The following SPATA16 variants were observed in gnomAD, a reference collection of about 807,000 sequenced individuals.
SPATA16 encodes the protein spermatogenesis associated 16.
Under a neutral mutation model 63.3 loss-of-function variants are expected in SPATA16, and 36 were observed. The ratio of observed to expected loss-of-function variants is 0.57; its 90% CI spans 0.44 to 0.75. The LOEUF is 0.75. SPATA16 is among the 30% of genes least tolerant of loss of function. The pLI is 0.00. For synonymous variants in SPATA16, 203 were observed against 216.7 expected (o/e 0.94, Z 0.56); for missense variants, 646 against 679.3 (o/e 0.95, Z 0.54).
chr3:172,902,060 C>T (rs1056530265), intron 10 of SPATA16, among the ~76,000 whole-genome samples: 2 of 152,052 alleles, frequency 1.3e-5, no homozygotes, highest in South Asian at 2.1e-4. Flanking sequence ...TTTTGAGAGA[C>T]GGAGTCTTGC....
At position 172,889,721 on chromosome 3, in the gene SPATA16, T is replaced by C. The variant is rs1306526720; in HGVS notation, c.1588-29A>G. ...GAAGAAATAAACAGATGCAACAAGA[T>C]TTGTTGTTGTTTTCCTGGGTTTTGT... On this transcript the variant is annotated intron_variant, in intron 10 of 10. Coordinates refer to ENST00000351008, the MANE Select transcript of SPATA16 (RefSeq NM_031955.6). 1.9e-6 allele frequency: 3 copies of C among 1,609,930 alleles called. No individual in the cohort carries two copies. In the East Asian group the frequency reaches 6.7e-5, roughly 36 times the overall value.
chr3:173,048,968 C>T lies in SPATA16; in HGVS notation c.739G>A (p.Ala247Thr). The change falls in exon 3 of 11, where the codon GCC becomes ACC. Residue 247 changes from alanine (A) to threonine (T), a missense_variant. By Grantham distance (58) the Ala-to-Thr change is moderately conservative (BLOSUM62 0). Transcript: ENST00000351008. ...CYLRMRKPDL[A>T]LNHAHRSIVL... The stretch of plus-strand genomic sequence containing the variant: ...TTTTACCTGTGTGCATGATTCAGGG[C>T]AAGATCTGGTTTCCTCATCCGTAGA... The T allele has an allele frequency of 6.2e-7, 1 of 1,613,758 alleles. No homozygotes were observed. Among genetic ancestry groups the T allele is most frequent in the Non-Finnish European group, 8.5e-7 (1 of 1,179,696 alleles).
At chr3:172,901,876 G>T (rs1294286150) in intron 10 of SPATA16, among the ~76,000 whole-genome samples, 1 of 151,980 alleles carries the variant, frequency 6.6e-6, no homozygotes, top group East Asian at 1.9e-4. Flanking sequence ...ACCATTGCTG[G>T]GTGCTAAAAA....
At chr3:173,129,001 C>G (rs1018170532) in intron 1 of SPATA16, among the ~76,000 whole-genome samples, 2 of 152,188 alleles carry the variant, frequency 1.3e-5, no homozygotes. Flanking sequence ...GCTGTTGATG[C>G]TAAAGAAACA....
intron 2 of SPATA16, among the ~76,000 whole-genome samples, chr3:173,111,760 A>C (rs1374356554): frequency 6.6e-6 from 1 of 152,122 alleles, no homozygotes; most frequent in East Asian, 1.9e-4. Flanking sequence ...CTTATACCAA[A>C]TTCCATTATC....
At chr3:173,056,889 T>C (rs565493421) in intron 2 of SPATA16, among the ~76,000 whole-genome samples, 6 of 151,962 alleles carry the variant, frequency 3.9e-5, no homozygotes, top group Non-Finnish European at 8.8e-5. Flanking sequence ...ATGTTGAAGT[T>C]TCTTCCTTTC....
chr3:172,925,304 C>T, intron 7 of SPATA16, 42 bp downstream of exon 7: 2 of 1,611,990 alleles, frequency 1.2e-6, no homozygotes, highest in Non-Finnish European at 1.7e-6. Context: ...AAACTCATCA[C>T]AGGCTACTAT....
chr3:172,975,676 GGTTTAAAGGT>G (rs1734140318), intron 5 of SPATA16, among the ~76,000 whole-genome samples: 1 of 151,850 alleles, frequency 6.6e-6, no homozygotes, highest in Non-Finnish European at 1.5e-5. Flanking sequence ...GGTTGTTTTG[GGTTTAAAGGT>G]TTGTCTACCT....
intron 6 of SPATA16, among the ~76,000 whole-genome samples, chr3:172,950,862 T>C (rs1469871345): frequency 6.6e-6 from 1 of 152,068 alleles, no homozygotes; most frequent in Non-Finnish European, 1.5e-5. Flanking sequence ...CCAGAAAACT[T>C]TTCTATTAAA....
chr3:172,930,316 A>G (rs371779334), intron 6 of SPATA16, among the ~76,000 whole-genome samples: 1 of 152,188 alleles, frequency 6.6e-6, no homozygotes, highest in South Asian at 2.1e-4. Flanking sequence ...CAATCTAGCC[A>G]TGATTCTTAC....
At chr3:173,042,694 G>A (rs1046675988) in intron 3 of SPATA16, among the ~76,000 whole-genome samples, 8 of 152,114 alleles carry the variant, frequency 5.3e-5, no homozygotes, top group Non-Finnish European at 1.2e-4. Context: ...CAGAGGCCAA[G>A]GGAAGTTAAT....
intron 4 of SPATA16, among the ~76,000 whole-genome samples, chr3:172,981,848 C>T (rs562521903): frequency 2.5e-4 from 38 of 152,302 alleles, no homozygotes; most frequent in Non-Finnish European, 4.6e-4. Context: ...AACGTGTTAA[C>T]GGAACACAGC....
intron 3 of SPATA16, among the ~76,000 whole-genome samples, chr3:173,020,249 G>T (rs562046973): frequency 6.6e-6 from 1 of 151,378 alleles, no homozygotes; most frequent in Non-Finnish European, 1.5e-5. Flanking sequence ...GTGAGATCGC[G>T]CCACTGCACT....
At chr3:173,113,352 ATGACTGTTTTTAACGAAACTTG>A (rs1173607996) in intron 2 of SPATA16, among the ~76,000 whole-genome samples, 1 of 152,210 alleles carries the variant, frequency 6.6e-6, no homozygotes, top group Non-Finnish European at 1.5e-5. Flanking sequence ...AGAGCATACG[ATGACTGTTTTTAACGAAACTTG>A]AGAAAGATTG....
chr3:173,061,462 T>A (rs913981841), intron 2 of SPATA16, among the ~76,000 whole-genome samples: 1 of 152,192 alleles, frequency 6.6e-6, no homozygotes, highest in African/African-American at 2.4e-5. Flanking sequence ...TTGTACTTTT[T>A]AAAAATCTCT....
intron 6 of SPATA16, among the ~76,000 whole-genome samples, chr3:172,954,710 G>A (rs767534089): frequency 6.6e-6 from 1 of 152,176 alleles, no homozygotes; most frequent in Non-Finnish European, 1.5e-5. Flanking sequence ...CCAAGGCTGT[G>A]CACATACAGT....
intron 4 of SPATA16, among the ~76,000 whole-genome samples, chr3:172,996,699 T>C (rs1004523196): frequency 1.3e-5 from 2 of 152,146 alleles, no homozygotes; most frequent in African/African-American, 4.8e-5. Flanking sequence ...CTTGGTGTTA[T>C]ACATTCTATG....
At chr3:172,968,958 G>A (rs1052219120) in intron 5 of SPATA16, among the ~76,000 whole-genome samples, 1 of 152,204 alleles carries the variant, frequency 6.6e-6, no homozygotes, top group African/African-American at 2.4e-5. Flanking sequence ...AGGAAAGGAA[G>A]CTCTCTTTTA....
intron 8 of SPATA16, among the ~76,000 whole-genome samples, chr3:172,919,069 G>T (rs917699670): frequency 4.6e-5 from 7 of 152,172 alleles, no homozygotes; most frequent in Non-Finnish European, 1.0e-4. Context: ...TCACTTGGAA[G>T]AAATTAAAAG....
Sources: allele counts gnomAD v4.1 joint callset (sites outside exome capture counted in the v4.1 genomes callset), GRCh38; gene constraint gnomAD v4.1.1; transcripts MANE v1.5; gene names NCBI Gene and HGNC (gene_info 2026-07-23, HGNC 2026-07-21).